The following PIK3C2G variants were observed in gnomAD, a reference collection of about 807,000 sequenced individuals.
The protein encoded by PIK3C2G is phosphatidylinositol 3-kinase C2 domain-containing subunit gamma.
PIK3C2G carries 168 observed loss-of-function variants against 181.1 expected under a neutral mutation model. That is an observed-to-expected ratio of 0.93 (90% CI 0.82 to 1.05). The LOEUF is 1.05. Ranked by LOEUF, PIK3C2G falls within the 50% of genes least tolerant of loss-of-function variation. The pLI is 0.00. For missense variants in PIK3C2G, 1,869 were observed against 1,732.8 expected (o/e 1.08, Z -1.40); for synonymous variants, 573 against 592.2 (o/e 0.97, Z 0.47).
chr12:18,435,278 A>G (rs564848233), intron 18 of PIK3C2G, among the ~76,000 whole-genome samples: 5 of 152,138 alleles, frequency 3.3e-5, no homozygotes, highest in Non-Finnish European at 7.4e-5. Context: ...TTTGTCTTTA[A>G]GTTGTCCTTT....
chr12:18,500,746 C>T (rs1442793259), intron 22 of PIK3C2G, among the ~76,000 whole-genome samples: 2 of 152,162 alleles, frequency 1.3e-5, no homozygotes, highest in African/African-American at 4.8e-5. Context: ...TAAAAGCAGG[C>T]TGCCCAAGCC....
intron 13 of PIK3C2G, among the ~76,000 whole-genome samples, chr12:18,381,464 AATC>A (rs1224377380): frequency 2.6e-5 from 4 of 152,290 alleles, no homozygotes; most frequent in African/African-American, 9.6e-5. Flanking sequence ...CCCACTTTAT[AATC>A]ACCATTGATG....
intron 18 of PIK3C2G, among the ~76,000 whole-genome samples, chr12:18,483,541 A>T (rs2136030515): frequency 6.6e-6 from 1 of 152,304 alleles, no homozygotes; most frequent in Middle Eastern, 3.4e-3. Context: ...GAAAAAAGAC[A>T]TGTTAATTAC....
At chr12:18,421,071 T>G (rs1197091001) in intron 17 of PIK3C2G, 37 bp downstream of exon 17, 1 of 1,100,308 alleles carries the variant, frequency 9.1e-7, no homozygotes, top group Admixed American at 1.8e-5. Flanking sequence ...ACCCAGGGTT[T>G]TAACTAATTA....
intron 1 of PIK3C2G, among the ~76,000 whole-genome samples, chr12:18,266,013 TAAAAAAAAAAA>T (rs61315448): frequency 1.6e-5 from 1 of 61,752 alleles, no homozygotes; most frequent in East Asian, 5.6e-4. Flanking sequence ...AGACTTCATC[TAAAAAAAAAAA>T]AAAAAAAAAA....
intron 32 of PIK3C2G, among the ~76,000 whole-genome samples, chr12:18,646,736 G>C (rs1213741039): frequency 1.3e-5 from 2 of 152,090 alleles, no homozygotes; most frequent in South Asian, 2.1e-4. Context: ...TGTGTTCTAA[G>C]ACATTTCCCT....
intron 18 of PIK3C2G, among the ~76,000 whole-genome samples, chr12:18,482,813 G>A (rs1939686790): frequency 1.3e-5 from 2 of 152,054 alleles, no homozygotes; most frequent in African/African-American, 4.8e-5. Flanking sequence ...GGACATCGTG[G>A]ACTCACTCTA....
rs531749336 is a variant in PIK3C2G at position 18,546,271 on chromosome 12, T to C, written c.3481-52T>C. On this transcript the variant is annotated intron_variant, in intron 25 of 32. Coordinates refer to ENST00000538779, the MANE Select transcript of PIK3C2G (RefSeq NM_001288772.2). ...AATTAATCAAGTAAGCTTGATTGTA[T>C]CTGCATTTATTCTGTCTTCTTTTTG... is the stretch of plus-strand genomic sequence containing the variant. 194 of 1,062,980 alleles carry C rather than the reference T, an allele frequency of 1.8e-4. 4 individuals are homozygous for C. In the South Asian group the frequency reaches 2.6e-3, roughly 14 times the overall value. 65.8% of individuals were successfully genotyped at this position (1,062,980 alleles called of 1,614,324 possible).
At chr12:18,516,552 A>G (rs980103363) in intron 24 of PIK3C2G, among the ~76,000 whole-genome samples, 1 of 152,050 alleles carries the variant, frequency 6.6e-6, no homozygotes, top group Non-Finnish European at 1.5e-5. Flanking sequence ...ATATCCTTAA[A>G]TATGCTTCCT....
intron 1 of PIK3C2G, among the ~76,000 whole-genome samples, chr12:18,276,001 A>C (rs950689499): frequency 2.6e-5 from 4 of 152,216 alleles, no homozygotes; most frequent in Non-Finnish European, 5.9e-5. Context: ...AAGAACACTC[A>C]GTAAAACAAT....
chr12:18,372,931 G>A (rs1440420284), intron 13 of PIK3C2G, among the ~76,000 whole-genome samples: 1 of 152,102 alleles, frequency 6.6e-6, no homozygotes, highest in Non-Finnish European at 1.5e-5. Context: ...TATTTTTTAA[G>A]GGGATGCGTC....
At chr12:18,388,588 A>G (rs961213412) in intron 14 of PIK3C2G, among the ~76,000 whole-genome samples, 7 of 152,188 alleles carry the variant, frequency 4.6e-5, no homozygotes, top group African/African-American at 7.2e-5. Flanking sequence ...GTGTCTTATA[A>G]TACCAACCTA....
intron 13 of PIK3C2G, among the ~76,000 whole-genome samples, chr12:18,372,957 G>A (rs1054214567): frequency 1.3e-5 from 2 of 152,070 alleles, no homozygotes; most frequent in African/African-American, 4.8e-5. Context: ...TGTAGACAAT[G>A]AGACATCAAA....
chr12:18,508,326 T>C (rs777131741), intron 24 of PIK3C2G, among the ~76,000 whole-genome samples: 4 of 152,202 alleles, frequency 2.6e-5, no homozygotes, highest in Admixed American at 1.3e-4. Context: ...TATTACACTA[T>C]CTTTTGAATT....
the PIK3C2G span, among the ~76,000 whole-genome samples, chr12:18,722,090 C>T: frequency 6.6e-6 from 1 of 152,016 alleles, no homozygotes; most frequent in Non-Finnish European, 1.5e-5. Flanking sequence ...ACACTTCTCC[C>T]ATTTTGTCAT....
intron 1 of PIK3C2G, among the ~76,000 whole-genome samples, chr12:18,268,929 T>A (rs1948625952): frequency 6.6e-6 from 1 of 152,152 alleles, no homozygotes; most frequent in African/African-American, 2.4e-5. Context: ...CTTTCTTTTT[T>A]TTTTTAAACG....
intron 31 of PIK3C2G, among the ~76,000 whole-genome samples, chr12:18,638,350 G>A (rs1393280930): frequency 6.6e-6 from 1 of 152,192 alleles, no homozygotes; most frequent in Non-Finnish European, 1.5e-5. Flanking sequence ...CACCACTGGG[G>A]TAAGGAGGCC....
chr12:18,338,341 A>G (rs1315316717), intron 8 of PIK3C2G, 85 bp from the exon 9 acceptor site: 8 of 1,079,184 alleles, frequency 7.4e-6, no homozygotes, highest in South Asian at 3.2e-5. Context: ...CTTGCTCCTC[A>G]TGGAAAAAGA....
Position 18,647,799 on chromosome 12 carries a change from TA to T in PIK3C2G, c.4309-76del. 3 of 794,914 alleles carry T rather than the reference TA, an allele frequency of 3.8e-6. No individual in the cohort carries two copies. In the South Asian group the frequency reaches 1.0e-4, roughly 27 times the overall value. The allele number at this position is 794,914 out of a possible 1,614,324, so 49.2% of individuals were successfully genotyped here. On this transcript the variant is annotated intron_variant, in intron 32 of 32. Coordinates refer to ENST00000538779, the MANE Select transcript of PIK3C2G (RefSeq NM_001288772.2). Reference sequence around the variant, plus strand: ...TAAGATATTAGCAGCTAATTTTTTTTATTAAAAGCAATACTCAAAAAAGAGA... The same window carrying T: ...TAAGATATTAGCAGCTAATTTTTTTTTTAAAAGCAATACTCAAAAAAGAGA...
Sources: gnomAD v4.1 joint callset for allele counts (sites outside exome capture counted in the v4.1 genomes callset) on GRCh38, gnomAD v4.1.1 for gene constraint, MANE v1.5 for transcripts, NCBI Gene and HGNC (gene_info 2026-07-23, HGNC 2026-07-21) for gene names.